CAB39: variants seen among roughly 807,000 people sequenced by gnomAD.
CAB39 encodes calcium-binding protein 39.
CAB39 carries 8 observed loss-of-function variants against 40.0 expected under a neutral mutation model. That is an observed-to-expected ratio of 0.20 (90% confidence interval 0.12 to 0.36). CAB39 has a LOEUF of 0.36. CAB39 is among the 10% of genes least tolerant of loss of function. The pLI is 1.00. For missense variants in CAB39, 270 were observed against 401.1 expected (o/e 0.67, Z 2.79); for synonymous variants, 156 against 141.6 (o/e 1.10, Z -0.72).
intron 1 of CAB39, among the ~76,000 whole-genome samples, chr2:230,721,612 G>A (rs1457687149): frequency 6.6e-6 from 1 of 152,160 alleles, no homozygotes; most frequent in Admixed American, 6.5e-5. Context: ...GTAAAGCCGT[G>A]TTTCCCAAAT....
chr2:230,756,304 A>G (rs1281435315), intron 1 of CAB39, among the ~76,000 whole-genome samples: 1 of 152,240 alleles, frequency 6.6e-6, no homozygotes, highest in African/African-American at 2.4e-5. Flanking sequence ...TAGGCTATAA[A>G]CCTGTACAGC....
At chr2:230,809,245 G>A (rs1265363788) in intron 5 of CAB39, among the ~76,000 whole-genome samples, 1 of 152,156 alleles carries the variant, frequency 6.6e-6, no homozygotes, top group Non-Finnish European at 1.5e-5. Context: ...GCTTGACCAT[G>A]GGACATTTCT....
intron 5 of CAB39, among the ~76,000 whole-genome samples, chr2:230,805,827 C>T (rs1575959854): frequency 2.0e-5 from 3 of 152,162 alleles, no homozygotes; most frequent in Non-Finnish European, 2.9e-5. Context: ...CGTAAATTGC[C>T]GTCACCCTGC....
At chr2:230,755,884 C>T (rs887312111) in intron 1 of CAB39, among the ~76,000 whole-genome samples, 32 of 152,172 alleles carry the variant, frequency 2.1e-4, no homozygotes, top group Non-Finnish European at 3.8e-4. Flanking sequence ...GAACCCTTCT[C>T]GAACCATTGC....
intron 2 of CAB39, among the ~76,000 whole-genome samples, chr2:230,777,399 C>T (rs1330527239): frequency 2.1e-5 from 3 of 145,398 alleles, no homozygotes; most frequent in Non-Finnish European, 4.5e-5. Context: ...AACATCTTTT[C>T]ATGTGCATAT....
At chr2:230,723,930 A>AT (rs140223687) in intron 1 of CAB39, among the ~76,000 whole-genome samples, 2,944 of 152,292 alleles carry the variant, frequency 0.019, 84 homozygotes, top group African/African-American at 0.06. Context: ...TCACCGCCAC[A>AT]TACCAATTCA....
chr2:230,818,522 G>T lies in CAB39; in HGVS notation c.844G>T (p.Val282Leu). The change falls in exon 9 of 9, where the codon GTA becomes TTA. Residue 282 changes from valine (V) to leucine (L), a missense_variant. Coordinates refer to ENST00000258418, the MANE Select transcript of CAB39 (RefSeq NM_016289.4). ...TGCGTTTCTCTCCACGCAGGTGTTT[G>T]TAGCCAATCCTAACAAGACGCAGCC... The part of the protein sequence containing the change: ...FEAFHVFKVF[V>L]ANPNKTQPIL... The T allele has an allele frequency of 6.2e-7, 1 of 1,613,604 alleles. No individual in the cohort carries two copies. The highest frequency in any genetic ancestry group is 8.5e-7 in the Non-Finnish European group (1 of 1,179,764).
intron 1 of CAB39, among the ~76,000 whole-genome samples, chr2:230,741,237 A>T (rs1462687335): frequency 1.3e-5 from 2 of 152,224 alleles, no homozygotes; most frequent in Non-Finnish European, 2.9e-5. Flanking sequence ...GACACCACAC[A>T]GGTTAGTGTG....
chr2:230,724,357 C>G (rs1376553041), intron 1 of CAB39, among the ~76,000 whole-genome samples: 1 of 151,778 alleles, frequency 6.6e-6, no homozygotes, highest in Non-Finnish European at 1.5e-5. Context: ...TATGTTTTAG[C>G]ACAGGTATGT....
intron 1 of CAB39, among the ~76,000 whole-genome samples, chr2:230,751,270 C>T (rs1695081120): frequency 6.6e-6 from 1 of 152,156 alleles, no homozygotes; most frequent in African/African-American, 2.4e-5. Flanking sequence ...CTTGTGAGCT[C>T]AGCTGTCTAG....
chr2:230,757,673 T>C (rs1695216080), intron 1 of CAB39, among the ~76,000 whole-genome samples: 2 of 152,176 alleles, frequency 1.3e-5, no homozygotes, highest in Admixed American at 6.6e-5. Context: ...TAACACTTCC[T>C]GCAAAATACC....
At chr2:230,727,114 A>G (rs1694593578) in intron 1 of CAB39, among the ~76,000 whole-genome samples, 1 of 152,086 alleles carries the variant, frequency 6.6e-6, no homozygotes, top group South Asian at 2.1e-4. Flanking sequence ...TTTGTGTGTC[A>G]TGCACAACTT....
intron 1 of CAB39, among the ~76,000 whole-genome samples, chr2:230,729,199 A>G (rs928064420): frequency 1.1e-4 from 16 of 152,242 alleles, no homozygotes; most frequent in Non-Finnish European, 2.2e-4. Context: ...ACCAGCTAGT[A>G]TTTAACCTCT....
At chr2:230,798,986 T>C in intron 5 of CAB39, 89 bp downstream of exon 5, 1 of 962,646 alleles carries the variant, frequency 1.0e-6, no homozygotes, top group East Asian at 2.7e-5. Context: ...AATCTACACG[T>C]GGCTGCCCTC....
chr2:230,787,187 A>T (rs1695808248), intron 2 of CAB39, among the ~76,000 whole-genome samples: 1 of 152,250 alleles, frequency 6.6e-6, no homozygotes, highest in Non-Finnish European at 1.5e-5. Flanking sequence ...TTGACCAAAA[A>T]AACCTTTGGA....
chr2:230,748,829 A>ATATATAT (rs1262628500), intron 1 of CAB39, among the ~76,000 whole-genome samples: 36 of 46,378 alleles, frequency 7.8e-4, no homozygotes, highest in East Asian at 1.4e-3. Context: ...AAAAAAAAAA[A>ATATATAT]AAATATATAT....
At chr2:230,800,540 G>A (rs1367846863) in intron 5 of CAB39, among the ~76,000 whole-genome samples, 3 of 152,194 alleles carry the variant, frequency 2.0e-5, no homozygotes, top group South Asian at 2.1e-4. Context: ...ATAATGCATC[G>A]GTGGAAGGGT....
intron 5 of CAB39, among the ~76,000 whole-genome samples, chr2:230,799,423 C>T (rs1189059638): frequency 6.6e-6 from 1 of 152,230 alleles, no homozygotes; most frequent in Non-Finnish European, 1.5e-5. Flanking sequence ...AGAGCGTGGA[C>T]AGAATCACCC....
intron 1 of CAB39, among the ~76,000 whole-genome samples, chr2:230,724,116 G>A (rs1016201710): frequency 2.0e-5 from 3 of 151,896 alleles, no homozygotes; most frequent in Non-Finnish European, 4.4e-5. Context: ...GTGTGGTGAC[G>A]CACACCTGTA....
Sources: allele counts gnomAD v4.1 joint callset (sites outside exome capture counted in the v4.1 genomes callset), GRCh38; gene constraint gnomAD v4.1.1; transcripts MANE v1.5; gene names NCBI Gene and HGNC (gene_info 2026-07-23, HGNC 2026-07-21).